The following NEK1 variants were observed in gnomAD, a reference collection of about 807,000 sequenced individuals.
NEK1 encodes NIMA related kinase 1.
Under a neutral mutation model 182.1 loss-of-function variants are expected in NEK1, and 137 were observed. The observed-to-expected ratio is 0.75, with a 90% CI of 0.65 to 0.87. The LOEUF (loss-of-function observed/expected upper bound fraction) is 0.87. Among genes scored for constraint, NEK1 ranks in the 40% least tolerant of loss-of-function variants. The probability of loss-of-function intolerance (pLI) is 0.00; values close to 1 mark genes in which losing one functional copy is unlikely to be tolerated. For missense variants in NEK1, 1,391 were observed against 1,494.4 expected, an observed-to-expected ratio of 0.93 and a Z score of 1.14; for synonymous variants, 513 against 492.2, an observed-to-expected ratio of 1.04 and a Z score of -0.56.
chr4:169,591,192 C>T (rs529516667), intron 5 of NEK1, among the ~76,000 whole-genome samples: 2 of 150,416 alleles, frequency 1.3e-5, no homozygotes, highest in East Asian at 4.0e-4. Context: ...ATCACCCAGG[C>T]TGGAGTGCAG....
chr4:169,590,932 T>C (rs2150093951), intron 5 of NEK1, 123 bp from the exon 6 acceptor site: 1 of 657,588 alleles, frequency 1.5e-6, no homozygotes, highest in Non-Finnish European at 2.6e-6. Flanking sequence ...CTTTTAACTT[T>C]GTAGGCACTG....
intron 28 of NEK1, among the ~76,000 whole-genome samples, chr4:169,434,680 T>A (rs149773810): frequency 1.6e-3 from 244 of 152,310 alleles, no homozygotes; most frequent in African/African-American, 5.8e-3. Flanking sequence ...GCCAACACTA[T>A]CCCTCTTACT....
At position 169,508,208 on chromosome 4, in the gene NEK1, C is replaced by T. The variant is rs66509122; in HGVS notation, c.1833+40G>A. The T allele has an allele frequency of 0.2, 294,839 of 1,498,326 alleles. 35,663 individuals carry two copies. Among genetic ancestry groups the T allele is most frequent in the African/African-American group, 0.59 (42,296 of 71,454 alleles). 92.8% of individuals were successfully genotyped at this position (1,498,326 alleles called of 1,614,324 possible). ...CATTTTAAATGTTAACCTACTATGA[C>T]ATCATTCAATTTCTTCAAAAAAATA... On this transcript the variant is annotated intron_variant, in intron 21 of 35. Transcript: ENST00000507142.
intron 35 of NEK1, among the ~76,000 whole-genome samples, chr4:169,396,394 A>AAAAAG (rs1561111795): frequency 2.1e-5 from 3 of 142,368 alleles, no homozygotes; most frequent in African/African-American, 8.1e-5. Flanking sequence ...AAAAAAAAAA[A>AAAAAG]AAGAAGAATC....
intron 11 of NEK1, among the ~76,000 whole-genome samples, 175 bp from the exon 12 acceptor site, chr4:169,577,254 C>T (rs895354197): frequency 6.6e-6 from 1 of 151,856 alleles, no homozygotes; most frequent in Non-Finnish European, 1.5e-5. Context: ...CTATTTTACC[C>T]TAAAGTCACT....
intron 2 of NEK1, among the ~76,000 whole-genome samples, chr4:169,608,139 AAAG>A (rs1553961016): frequency 2.0e-5 from 3 of 151,670 alleles, no homozygotes; most frequent in African/African-American, 7.3e-5. Context: ...ACACACACAC[AAAG>A]AAGAAGAAGA....
chr4:169,437,953 T>C (rs951492028), intron 28 of NEK1, 130 bp downstream of exon 28: 2 of 713,810 alleles, frequency 2.8e-6, no homozygotes, highest in East Asian at 2.9e-5. Context: ...GCTAAAAATA[T>C]AAAAATACTG....
At chr4:169,413,310 G>C (rs943898629) in intron 31 of NEK1, among the ~76,000 whole-genome samples, 7 of 151,924 alleles carry the variant, frequency 4.6e-5, no homozygotes, top group Non-Finnish European at 7.4e-5. Flanking sequence ...TGGGACTAGA[G>C]GTGGGTGTGT....
intron 31 of NEK1, among the ~76,000 whole-genome samples, chr4:169,423,943 A>G (rs1735921794): frequency 1.3e-5 from 2 of 152,196 alleles, no homozygotes; most frequent in South Asian, 4.1e-4. Context: ...TATTGAATAG[A>G]AAAGGTTATA....
chr4:169,585,642 T>C (rs1161620304), intron 9 of NEK1, 93 bp from the exon 10 acceptor site: 5 of 771,628 alleles, frequency 6.5e-6, no homozygotes, highest in South Asian at 4.7e-5. Context: ...CCTACCAATA[T>C]AGAATAGAAA....
At chr4:169,429,640 G>GT (rs1475718969) in intron 29 of NEK1, among the ~76,000 whole-genome samples, 1 of 152,096 alleles carries the variant, frequency 6.6e-6, no homozygotes, top group Non-Finnish European at 1.5e-5. Context: ...TTGAGGAGGA[G>GT]TAAGTATCTG....
At chr4:169,499,974 T>C (rs943379622) in intron 23 of NEK1, among the ~76,000 whole-genome samples, 1 of 152,208 alleles carries the variant, frequency 6.6e-6, no homozygotes, top group Non-Finnish European at 1.5e-5. Context: ...CTGCCTTTTG[T>C]TTGGCTATGC....
chr4:169,480,741 T>A (rs1414773120), intron 23 of NEK1, among the ~76,000 whole-genome samples: 5 of 152,140 alleles, frequency 3.3e-5, no homozygotes, highest in African/African-American at 7.2e-5. Flanking sequence ...AAAATATTTT[T>A]AAAATTCTTT....
intron 12 of NEK1, among the ~76,000 whole-genome samples, chr4:169,563,202 A>G (rs1763186151): frequency 6.6e-6 from 1 of 151,934 alleles, no homozygotes; most frequent in South Asian, 2.1e-4. Context: ...TCTACAAAAA[A>G]TTTTTAAAAA....
chr4:169,545,203 C>T (rs111598985), intron 18 of NEK1, among the ~76,000 whole-genome samples: 1 of 119,576 alleles, frequency 8.4e-6, no homozygotes, highest in Admixed American at 9.1e-5. Flanking sequence ...TCCCTCCCCC[C>T]TCCCCCCACC....
At position 169,410,361 on chromosome 4, in the gene NEK1, T is replaced by C. The variant is rs183248944; in HGVS notation, c.3223-3614A>G. Among the ~76,000 whole-genome samples the C allele has an allele frequency of 2.6e-5, 4 of 152,296 alleles. No homozygotes were observed. The East Asian group carries it at 7.7e-4, about 29-fold the overall frequency. ...CAAAGATGTAGAGAAACATATAACA[T>C]AGTGAATGAATTCAGTATTACTTGC... On this transcript the variant is annotated intron_variant, in intron 31 of 35. Transcript: ENST00000507142.
At chr4:169,568,716 C>G (rs1764118325) in intron 12 of NEK1, among the ~76,000 whole-genome samples, 1 of 152,048 alleles carries the variant, frequency 6.6e-6, no homozygotes, top group Non-Finnish European at 1.5e-5. Flanking sequence ...GGGTGGATCA[C>G]TTGAGGTCAG....
At chr4:169,420,342 CA>C in intron 31 of NEK1, among the ~76,000 whole-genome samples, 1 of 152,224 alleles carries the variant, frequency 6.6e-6, no homozygotes, top group South Asian at 2.1e-4. Context: ...TAGAACACTC[CA>C]AAATAATGAT....
At chr4:169,400,923 A>AT (rs1242955838) in intron 33 of NEK1, among the ~76,000 whole-genome samples, 2 of 151,774 alleles carry the variant, frequency 1.3e-5, no homozygotes, top group African/African-American at 4.8e-5. Flanking sequence ...ACTTAAATAA[A>AT]AAAAAAAAAG....
Sources: gnomAD v4.1 joint callset for allele counts (sites outside exome capture counted in the v4.1 genomes callset) on GRCh38, gnomAD v4.1.1 for gene constraint, MANE v1.5 for transcripts, NCBI Gene and HGNC (gene_info 2026-07-23, HGNC 2026-07-21) for gene names.